The following DENND5B variants were observed in gnomAD, a reference collection of about 807,000 sequenced individuals.
The protein encoded by DENND5B is DENN domain-containing protein 5B.
A neutral mutation model predicts 140.6 loss-of-function variants in DENND5B; 34 were observed. The ratio of observed to expected loss-of-function variants is 0.24; its 90% CI spans 0.18 to 0.32. DENND5B has a LOEUF of 0.32. DENND5B is among the 10% of genes least tolerant of loss of function. The pLI is 1.00. For synonymous variants in DENND5B, 551 were observed against 562.1 expected (o/e 0.98, Z 0.28); for missense variants, 1,142 against 1,560.2 (o/e 0.73, Z 4.52).
At chr12:31,411,974 T>A (rs1317845392) in intron 13 of DENND5B, among the ~76,000 whole-genome samples, 1 of 152,170 alleles carries the variant, frequency 6.6e-6, no homozygotes, top group Non-Finnish European at 1.5e-5. Context: ...CAGCTTCTTT[T>A]TTTTGTTTTT....
chr12:31,407,023 C>T lies in DENND5B; in HGVS notation c.2803+2240G>A, dbSNP rs1473567368. On this transcript the variant is annotated intron_variant, in intron 14 of 20. Transcript: ENST00000389082. ...CCATGTTGGCCACGTCAGTCTCGAACTCCTGACCTCATGTGATCCACCCGC... is the reference window on the plus strand; with the variant it reads ...CCATGTTGGCCACGTCAGTCTCGAATTCCTGACCTCATGTGATCCACCCGC... Among the ~76,000 whole-genome samples the T allele has an allele frequency of 2.0e-5, 3 of 152,288 alleles. No homozygotes were observed. In the East Asian group the frequency reaches 5.8e-4, roughly 29 times the overall value.
intron 2 of DENND5B, among the ~76,000 whole-genome samples, chr12:31,484,216 C>T (rs1365390019): frequency 1.3e-5 from 2 of 152,124 alleles, no homozygotes; most frequent in Non-Finnish European, 2.9e-5. Flanking sequence ...ACCACAACAT[C>T]GACAATGCAT....
intron 7 of DENND5B, among the ~76,000 whole-genome samples, chr12:31,436,075 A>T (rs1943740355): frequency 6.6e-6 from 1 of 151,618 alleles, no homozygotes; most frequent in Non-Finnish European, 1.5e-5. Flanking sequence ...CCGGGATTAC[A>T]GGTGTGTCTG....
chr12:31,411,124 T>C (rs907009184), intron 13 of DENND5B, among the ~76,000 whole-genome samples: 1 of 151,062 alleles, frequency 6.6e-6, no homozygotes, highest in African/African-American at 2.4e-5. Context: ...CCGCAACCTC[T>C]CGTCTCCCAG....
intron 1 of DENND5B, among the ~76,000 whole-genome samples, chr12:31,550,188 A>G (rs1008073425): frequency 1.4e-5 from 2 of 146,168 alleles, no homozygotes; most frequent in African/African-American, 2.5e-5. Context: ...AGCATTAGGT[A>G]TATCTCCTAA....
chr12:31,506,134 T>A (rs957502957), intron 1 of DENND5B, among the ~76,000 whole-genome samples: 2 of 152,174 alleles, frequency 1.3e-5, no homozygotes, highest in Non-Finnish European at 2.9e-5. Flanking sequence ...TTGCCTAGAC[T>A]TAGTTAAGAT....
At chr12:31,392,861 A>T (rs111834320) in intron 17 of DENND5B, among the ~76,000 whole-genome samples, 165 bp from the exon 18 acceptor site, 1 of 152,214 alleles carries the variant, frequency 6.6e-6, no homozygotes, top group African/African-American at 2.4e-5. Context: ...CCAAGTGGGA[A>T]GCATCCTGGC....
chr12:31,394,614 T>TC (rs772414128), intron 17 of DENND5B, among the ~76,000 whole-genome samples: 2 of 107,204 alleles, frequency 1.9e-5, no homozygotes, highest in Admixed American at 1.4e-4. Flanking sequence ...TACCCTGTGC[T>TC]CTTTTTTTTT....
At chr12:31,491,635 T>C (rs576085283) in intron 2 of DENND5B, among the ~76,000 whole-genome samples, 1 of 152,320 alleles carries the variant, frequency 6.6e-6, no homozygotes, top group Non-Finnish European at 1.5e-5. Context: ...AGGTGATTAA[T>C]ACATACATTG....
At chr12:31,451,814 A>C in intron 5 of DENND5B, 126 bp downstream of exon 5, 1 of 1,188,224 alleles carries the variant, frequency 8.4e-7, no homozygotes. Context: ...TCTGCATTTA[A>C]AAAAGGTTAA....
intron 1 of DENND5B, among the ~76,000 whole-genome samples, chr12:31,542,618 C>T (rs1196884166): frequency 1.3e-5 from 2 of 152,010 alleles, no homozygotes; most frequent in Non-Finnish European, 2.9e-5. Context: ...TCTCATGTAA[C>T]CCATAAATAT....
chr12:31,496,463 A>G (rs1262023792), intron 1 of DENND5B, among the ~76,000 whole-genome samples: 1 of 152,234 alleles, frequency 6.6e-6, no homozygotes, highest in Non-Finnish European at 1.5e-5. Flanking sequence ...TTTAGTAGAC[A>G]GAACACATTA....
chr12:31,573,594 A>G (rs1195832771), intron 1 of DENND5B, among the ~76,000 whole-genome samples: 1 of 152,206 alleles, frequency 6.6e-6, no homozygotes, highest in Non-Finnish European at 1.5e-5. Context: ...AGTGAATGTA[A>G]TTTCGTTCAA....
At chr12:31,511,973 G>T (rs150625695) in intron 1 of DENND5B, among the ~76,000 whole-genome samples, 91 of 121,638 alleles carry the variant, frequency 7.5e-4, no homozygotes, top group Admixed American at 1.9e-3. Context: ...GCCTAGGTTG[G>T]AGTGCAGTGC....
At position 31,426,325 on chromosome 12, in the gene DENND5B, C is replaced by T. The variant is rs1943232585; in HGVS notation, c.2206G>A (p.Val736Ile). 3.1e-6 allele frequency: 5 copies of T among 1,609,426 alleles called. No homozygotes were observed. The highest frequency in any genetic ancestry group is 4.2e-6 in the Non-Finnish European group (5 of 1,177,886). ...CTACATTCTTTTAATAAGCCTTCTA[C>T]GAATTTACAGTTGGTCTGTGCAATA... ...AVIAQTNCKF[V>I]EGLLKECRMK... Residue 736 changes from valine (V) to isoleucine (I), a missense_variant, in exon 9 of 21, where the codon GTA (valine) becomes ATA (isoleucine). By Grantham distance (29) the Val-to-Ile change is conservative. Coordinates refer to ENST00000389082, the MANE Select transcript of DENND5B (RefSeq NM_144973.4).
intron 1 of DENND5B, among the ~76,000 whole-genome samples, chr12:31,496,957 T>C: frequency 6.6e-6 from 1 of 152,216 alleles, no homozygotes; most frequent in Non-Finnish European, 1.5e-5. Context: ...TTTAGAGTTC[T>C]AATTAAGTGC....
intron 3 of DENND5B, among the ~76,000 whole-genome samples, chr12:31,460,977 C>A (rs916810540): frequency 4.6e-5 from 7 of 152,196 alleles, no homozygotes; most frequent in Admixed American, 2.0e-4. Context: ...CCGCCTACCT[C>A]GGCCTCCCAA....
intron 2 of DENND5B, among the ~76,000 whole-genome samples, chr12:31,488,531 C>A (rs954633039): frequency 1.3e-5 from 2 of 152,092 alleles, no homozygotes; most frequent in African/African-American, 4.8e-5. Context: ...ATGCTACAGA[C>A]AACAGATGTA....
intron 13 of DENND5B, among the ~76,000 whole-genome samples, 173 bp downstream of exon 13, chr12:31,413,263 A>ATCAAG (rs752489936): frequency 2.6e-5 from 4 of 152,230 alleles, no homozygotes; most frequent in Non-Finnish European, 5.9e-5. Context: ...CCCCAAAACG[A>ATCAAG]TCAAGTATTA....
Sources: allele counts gnomAD v4.1 joint callset (sites outside exome capture counted in the v4.1 genomes callset), GRCh38; gene constraint gnomAD v4.1.1; transcripts MANE v1.5; gene names NCBI Gene and HGNC (gene_info 2026-07-23, HGNC 2026-07-21).